The following FANK1 variants were observed in gnomAD, a reference collection of about 807,000 sequenced individuals.
The protein encoded by FANK1 is fibronectin type 3 and ankyrin repeat domains protein 1.
A neutral mutation model predicts 45.3 loss-of-function variants in FANK1; 44 were observed. The ratio of observed to expected loss-of-function variants is 0.97; its 90% CI spans 0.76 to 1.25. The LOEUF is 1.25. FANK1 is among the 50% of genes most tolerant of loss of function. FANK1 has a pLI of 0.00. For missense variants in FANK1, 391 were observed against 424.4 expected (o/e 0.92, Z 0.69); for synonymous variants, 149 against 152.5 (o/e 0.98, Z 0.17).
At chr10:125,912,443 AGTGTGT>A (rs60956003) in intron 1 of FANK1, among the ~76,000 whole-genome samples, 7,497 of 147,088 alleles carry the variant, frequency 0.051, 243 homozygotes, top group African/African-American at 0.092. Flanking sequence ...GCACCACCAA[AGTGTGT>A]GTGTGTGTGT....
chr10:126,006,826 C>T (rs1953253034), intron 7 of FANK1, among the ~76,000 whole-genome samples: 1 of 152,232 alleles, frequency 6.6e-6, no homozygotes, highest in African/African-American at 2.4e-5. Context: ...TGCCACTGCA[C>T]TCCAGCCTGG....
chr10:125,949,239 A>G (rs1444456578), intron 1 of FANK1, among the ~76,000 whole-genome samples: 6 of 150,756 alleles, frequency 4.0e-5, no homozygotes, highest in African/African-American at 1.5e-4. Context: ...CACCACTCCT[A>G]TTCAACATAG....
In FANK1 at chr10:125,983,402, A is replaced by G. The variant is rs1401102885; in HGVS notation, c.191+3064A>G. ...ATGCTGGGGATACGGCACTGGGAAAAAATTCCTCCCTCATGATGATGAAGG... is the reference window on the plus strand; with the variant it reads ...ATGCTGGGGATACGGCACTGGGAAAGAATTCCTCCCTCATGATGATGAAGG... On this transcript the variant is annotated intron_variant, in intron 2 of 10. Coordinates refer to ENST00000368693, the MANE Select transcript of FANK1 (RefSeq NM_145235.5). This position sits in a 1 kb window ranked among gnomAD's most constrained non-coding sequence, Gnocchi z 4.3. 6.6e-6 allele frequency among the ~76,000 whole-genome samples: 1 copy of G among 152,146 alleles called. No individual in the cohort carries two copies.
At chr10:125,931,646 C>T (rs1164674027) in intron 1 of FANK1, among the ~76,000 whole-genome samples, 1 of 151,990 alleles carries the variant, frequency 6.6e-6, no homozygotes, top group African/African-American at 2.4e-5. Context: ...AGATTTTCTC[C>T]CACTCTGTGG....
At chr10:125,932,057 A>G (rs1040981907) in intron 1 of FANK1, among the ~76,000 whole-genome samples, 2 of 152,104 alleles carry the variant, frequency 1.3e-5, no homozygotes, top group South Asian at 2.1e-4. Flanking sequence ...CATTGTTTCT[A>G]TGTACCTGTT....
At chr10:125,921,657 G>A (rs1212462417) in intron 1 of FANK1, among the ~76,000 whole-genome samples, 1 of 152,048 alleles carries the variant, frequency 6.6e-6, no homozygotes, top group Non-Finnish European at 1.5e-5. Flanking sequence ...TATTCAAGCT[G>A]TCTGTTTCTT....
intron 6 of FANK1, 83 bp downstream of exon 6, chr10:125,997,568 C>T: frequency 7.8e-7 from 1 of 1,281,376 alleles, no homozygotes; most frequent in Non-Finnish European, 1.1e-6. Flanking sequence ...GTTGTGATTT[C>T]ACCAAAACAT....
chr10:125,947,104 C>T (rs1279543093), intron 1 of FANK1, among the ~76,000 whole-genome samples: 1 of 149,118 alleles, frequency 6.7e-6, no homozygotes, highest in Admixed American at 6.7e-5. Context: ...AAAAGAGCTC[C>T]TGAAGGAAGC....
intron 6 of FANK1, among the ~76,000 whole-genome samples, chr10:126,000,420 A>G (rs10901506): frequency 0.58 from 88,837 of 152,056 alleles, 27,412 homozygotes; most frequent in Non-Finnish European, 0.68. Context: ...AGAATGGAAT[A>G]GAAATCCTCA....
At chr10:125,982,928 T>TTC (rs1554942669) in intron 2 of FANK1, among the ~76,000 whole-genome samples, 1 of 151,960 alleles carries the variant, frequency 6.6e-6, no homozygotes. Context: ...TTTTTTTTTT[T>TTC]CTCATCATTC....
intron 3 of FANK1, among the ~76,000 whole-genome samples, chr10:125,990,106 A>AT (rs1438455338): frequency 6.6e-6 from 1 of 152,110 alleles, no homozygotes; most frequent in African/African-American, 2.4e-5. Flanking sequence ...CCTCTGTCAC[A>AT]TGCCTTCCCT....
chr10:125,953,187 T>C (rs10794042), intron 1 of FANK1, among the ~76,000 whole-genome samples: 58,656 of 152,004 alleles, frequency 0.39, 11,651 homozygotes, highest in Non-Finnish European at 0.44. Flanking sequence ...AACCCTGCTT[T>C]GAAAACCACT....
At chr10:125,981,670 A>G (rs1460888395) in intron 2 of FANK1, among the ~76,000 whole-genome samples, 2 of 152,158 alleles carry the variant, frequency 1.3e-5, no homozygotes, top group African/African-American at 4.8e-5. Context: ...TTAATTTTGA[A>G]ATAATTATAG....
At chr10:125,986,220 C>A (rs1324724250) in intron 2 of FANK1, among the ~76,000 whole-genome samples, 1 of 152,134 alleles carries the variant, frequency 6.6e-6, no homozygotes, top group Non-Finnish European at 1.5e-5. Context: ...CAGCACAGAG[C>A]AGGGAGGCAG....
At chr10:125,940,964 T>C (rs1156916804) in intron 1 of FANK1, among the ~76,000 whole-genome samples, 1 of 152,194 alleles carries the variant, frequency 6.6e-6, no homozygotes, top group African/African-American at 2.4e-5. Context: ...AGTTACAGAT[T>C]AATAGCATCT....
rs1554902609 is a variant in FANK1, at chr10:125,898,020, A to AGC, written c.13+1365_13+1366insGC. Among the ~76,000 whole-genome samples, 6 of 79,782 alleles carry AGC rather than the reference A, an allele frequency of 7.5e-5. No individual in the cohort carries two copies. The South Asian group carries it at 1.3e-3, about 18-fold the overall frequency. 52.3% of individuals were successfully genotyped at this position (79,782 alleles called of 152,430 possible). A position where few individuals can be genotyped will look rare whatever the true frequency, so the allele number is the denominator to read the frequency against. On this transcript the variant is annotated intron_variant, in intron 1 of 10. Transcript: ENST00000368693. ...ATACAAAAAAAAAAAAAAAAAAAAA[A>AGC]AAAAAAAAAAAAAAGCCAGGTGTGG...
intron 1 of FANK1, among the ~76,000 whole-genome samples, chr10:125,950,410 T>C (rs28755005): frequency 6.9e-6 from 1 of 145,152 alleles, no homozygotes. Flanking sequence ...GAACTCAAAC[T>C]AATTTACAAG....
intron 6 of FANK1, chr10:126,004,127 C>A (rs1952989445): frequency 6.7e-6 from 1 of 149,552 alleles, no homozygotes; most frequent in Non-Finnish European, 1.5e-5. Context: ...ACAGCTTCCC[C>A]CCACCAACTG....
At chr10:125,959,192 T>C (rs1448738740) in intron 1 of FANK1, among the ~76,000 whole-genome samples, 1 of 151,328 alleles carries the variant, frequency 6.6e-6, no homozygotes, top group Non-Finnish European at 1.5e-5. Flanking sequence ...AGGTCAGGAG[T>C]TCGAGACCAG....
Sources: gnomAD v4.1 joint callset for allele counts (sites outside exome capture counted in the v4.1 genomes callset) on GRCh38, gnomAD v4.1.1 for gene constraint, Gnocchi (gnomAD v3.1) non-coding constraint, MANE v1.5 for transcripts, NCBI Gene and HGNC (gene_info 2026-07-23, HGNC 2026-07-21) for gene names.